Variants in ZNF521 observed in about 807,000 individuals in gnomAD.
ZNF521 encodes LYST-interacting protein 3.
A neutral mutation model predicts 105.5 loss-of-function variants in ZNF521; 14 were observed. That is an observed-to-expected ratio of 0.13 (90% CI 0.09 to 0.21). The LOEUF is 0.21. ZNF521 is among the 10% of genes least tolerant of loss of function. The pLI is 1.00. For missense variants in ZNF521, 1,233 were observed against 1,629.7 expected, an observed-to-expected ratio of 0.76 and a Z score of 4.19; for synonymous variants, 635 against 606.0, an observed-to-expected ratio of 1.05 and a Z score of -0.70.
intron 5 of ZNF521, among the ~76,000 whole-genome samples, chr18:25,189,573 C>T (rs1568001425): frequency 6.6e-6 from 1 of 152,208 alleles, no homozygotes; most frequent in South Asian, 2.1e-4. Flanking sequence ...CTATAAGGCA[C>T]CTTGCTGTCA....
chr18:25,348,249 T>C (rs955380520), intron 2 of ZNF521, among the ~76,000 whole-genome samples: 2 of 152,256 alleles, frequency 1.3e-5, no homozygotes, highest in South Asian at 2.1e-4. Flanking sequence ...TTCTGAATGA[T>C]ATAATGGACA....
chr18:25,155,169 C>T (rs2035120259), intron 5 of ZNF521, among the ~76,000 whole-genome samples: 1 of 152,080 alleles, frequency 6.6e-6, no homozygotes, highest in Non-Finnish European at 1.5e-5. Flanking sequence ...TAACTGTTGG[C>T]CATTTTTATA....
At chr18:25,078,164 G>A (rs917100034) in intron 7 of ZNF521, among the ~76,000 whole-genome samples, 4 of 152,122 alleles carry the variant, frequency 2.6e-5, no homozygotes, top group Non-Finnish European at 5.9e-5. Context: ...ACTCTGGGGC[G>A]GCTGGGGGTC....
chr18:25,239,369 G>C (rs938505243), intron 3 of ZNF521, among the ~76,000 whole-genome samples: 1 of 152,136 alleles, frequency 6.6e-6, no homozygotes, highest in African/African-American at 2.4e-5. Flanking sequence ...GTTCTGAGTA[G>C]ACAGCCGTGT....
At chr18:25,348,634 G>T (rs1429587061) in intron 2 of ZNF521, among the ~76,000 whole-genome samples, 1 of 152,138 alleles carries the variant, frequency 6.6e-6, no homozygotes, top group Non-Finnish European at 1.5e-5. Flanking sequence ...CGCCCACACA[G>T]AATATGGAAG....
intron 3 of ZNF521, among the ~76,000 whole-genome samples, chr18:25,257,012 A>G (rs927753328): frequency 2.6e-5 from 4 of 152,102 alleles, no homozygotes; most frequent in Admixed American, 6.6e-5. Flanking sequence ...AAGCACAAGG[A>G]AAGGCAGAGA....
At chr18:25,137,052 G>C (rs548860030) in intron 5 of ZNF521, among the ~76,000 whole-genome samples, 1 of 152,294 alleles carries the variant, frequency 6.6e-6, no homozygotes, top group South Asian at 2.1e-4. Flanking sequence ...CCACACCACA[G>C]TCCAGTCCAA....
intron 5 of ZNF521, among the ~76,000 whole-genome samples, chr18:25,137,171 T>C (rs7231550): frequency 0.64 from 98,039 of 152,086 alleles, 32,373 homozygotes; most frequent in Middle Eastern, 0.76. Flanking sequence ...TTCTTGCTAA[T>C]GTCCTTCCTG....
At chr18:25,260,596 T>C (rs1908841180) in intron 3 of ZNF521, among the ~76,000 whole-genome samples, 2 of 152,196 alleles carry the variant, frequency 1.3e-5, no homozygotes, top group African/African-American at 4.8e-5. Flanking sequence ...AGTAAATTAT[T>C]ATTACTATTG....
intron 2 of ZNF521, among the ~76,000 whole-genome samples, chr18:25,324,165 T>C (rs1246240681): frequency 1.3e-5 from 2 of 152,178 alleles, no homozygotes; most frequent in African/African-American, 2.4e-5. Context: ...CAGAGTTCTA[T>C]GTCCAGGTGA....
chr18:25,082,966 C>G (rs1424956929), intron 7 of ZNF521, among the ~76,000 whole-genome samples: 1 of 150,854 alleles, frequency 6.6e-6, no homozygotes, highest in Non-Finnish European at 1.5e-5. Flanking sequence ...GCTGTGAATA[C>G]ACACCCTTTC....
intron 2 of ZNF521, among the ~76,000 whole-genome samples, chr18:25,342,415 T>TTTTTTTTTG (rs1555667614): frequency 1.2e-5 from 1 of 81,774 alleles, no homozygotes; most frequent in African/African-American, 4.5e-5. Context: ...TTTGTTTTTT[T>TTTTTTTTTG]TTTGTTTGTT....
chr18:25,322,093 A>C lies in ZNF521; in HGVS notation c.135T>G (p.Ala45=), dbSNP rs779850313. The C allele has an allele frequency of 3.4e-5, 55 of 1,614,080 alleles. No homozygotes were observed. Among genetic ancestry groups the C allele is most frequent in the Non-Finnish European group, 4.6e-5 (54 of 1,180,018 alleles). The change falls in exon 3 of 8, where the codon GCT becomes GCG. Residue 45 remains alanine (A), a synonymous_variant. Coordinates refer to ENST00000361524, the MANE Select transcript of ZNF521 (RefSeq NM_015461.3). Reference sequence around the variant, plus strand: ...GGAGGCAGCTGTCACAGCTGTGCACAGCTTCGTCTTCCAACTCCTCCCCGT... The same window carrying C: ...GGAGGCAGCTGTCACAGCTGTGCACCGCTTCGTCTTCCAACTCCTCCCCGT... The part of the protein sequence containing the change: ...PEDGEELEDE[A]VHSCDSCLQV...
At chr18:25,071,973 A>G (rs2033236310) in intron 7 of ZNF521, among the ~76,000 whole-genome samples, 1 of 152,188 alleles carries the variant, frequency 6.6e-6, no homozygotes, top group South Asian at 2.1e-4. Flanking sequence ...TGAGAACCAG[A>G]GGGCAGAAGG....
intron 2 of ZNF521, among the ~76,000 whole-genome samples, chr18:25,337,521 T>C (rs562286085): frequency 2.0e-5 from 3 of 152,306 alleles, no homozygotes; most frequent in East Asian, 3.9e-4. Context: ...TTATAAACAA[T>C]TGAAATGATG....
chr18:25,266,044 G>C (rs566350818), intron 3 of ZNF521, among the ~76,000 whole-genome samples: 1 of 152,178 alleles, frequency 6.6e-6, no homozygotes, highest in Non-Finnish European at 1.5e-5. Flanking sequence ...GCTGGGAAAA[G>C]TAGTAGGGGT....
intron 5 of ZNF521, among the ~76,000 whole-genome samples, chr18:25,185,652 T>G (rs1029558659): frequency 6.6e-6 from 1 of 152,178 alleles, no homozygotes; most frequent in East Asian, 1.9e-4. Flanking sequence ...TAAAGCTACA[T>G]GGTTAGAAGC....
intron 3 of ZNF521, among the ~76,000 whole-genome samples, chr18:25,317,610 G>A (rs1285590898): frequency 6.6e-6 from 1 of 152,158 alleles, no homozygotes; most frequent in Non-Finnish European, 1.5e-5. Flanking sequence ...CCTAATGTTA[G>A]TGCTGATTCT....
intron 7 of ZNF521, among the ~76,000 whole-genome samples, chr18:25,072,346 C>G (rs1392906502): frequency 1.3e-5 from 2 of 152,196 alleles, no homozygotes; most frequent in East Asian, 3.8e-4. Flanking sequence ...AGGACAAATT[C>G]TGCTGTGACG....
Sources: allele counts gnomAD v4.1 joint callset (sites outside exome capture counted in the v4.1 genomes callset), GRCh38; gene constraint gnomAD v4.1.1; transcripts MANE v1.5; gene names NCBI Gene and HGNC (gene_info 2026-07-23, HGNC 2026-07-21).